The following LUZP2 variants were observed in gnomAD, a reference collection of about 807,000 sequenced individuals.
LUZP2 encodes the protein leucine zipper protein 2.
A neutral mutation model predicts 51.6 loss-of-function variants in LUZP2; 52 were observed. That is an observed-to-expected ratio of 1.01 (90% CI 0.81 to 1.27). The LOEUF (loss-of-function observed/expected upper bound fraction) is 1.27, where lower values mean the gene tolerates loss of function less well. LUZP2 is among the 50% of genes most tolerant of loss of function. The pLI, the probability that LUZP2 is intolerant of heterozygous loss-of-function variation, is 0.00. For missense variants in LUZP2, 436 were observed against 395.4 expected (o/e 1.10, Z -0.87); for synonymous variants, 154 against 137.3 (o/e 1.12, Z -0.85).
chr11:24,796,783 T>C (rs548989700), intron 5 of LUZP2, among the ~76,000 whole-genome samples: 1 of 152,264 alleles, frequency 6.6e-6, no homozygotes, highest in South Asian at 2.1e-4. Flanking sequence ...ACACAAGTTT[T>C]TTTTGGTTTT....
intron 5 of LUZP2, among the ~76,000 whole-genome samples, chr11:24,800,535 T>C (rs1348327595): frequency 7.3e-5 from 7 of 96,452 alleles, no homozygotes; most frequent in Admixed American, 5.8e-4. Flanking sequence ...GCCTATCATT[T>C]AACTCAAAAA....
intron 1 of LUZP2, among the ~76,000 whole-genome samples, chr11:24,722,424 C>T (rs767126690): frequency 1.3e-5 from 2 of 152,116 alleles, no homozygotes; most frequent in Non-Finnish European, 2.9e-5. Flanking sequence ...CATCAGATCT[C>T]ATGAGACTCA....
intron 4 of LUZP2, among the ~76,000 whole-genome samples, chr11:24,746,863 T>C (rs1479676138): frequency 7.9e-5 from 12 of 152,186 alleles, no homozygotes; most frequent in Non-Finnish European, 1.8e-4. Context: ...TTCCAGAGCA[T>C]TTGCATTTCT....
At chr11:24,787,858 G>C (rs1275301278) in intron 5 of LUZP2, among the ~76,000 whole-genome samples, 2 of 152,062 alleles carry the variant, frequency 1.3e-5, no homozygotes, top group Non-Finnish European at 2.9e-5. Context: ...TGAATTTCTG[G>C]GTTCAAGGAA....
chr11:24,957,287 T>C (rs188962322), intron 7 of LUZP2, among the ~76,000 whole-genome samples: 1 of 152,300 alleles, frequency 6.6e-6, no homozygotes, highest in East Asian at 1.9e-4. Flanking sequence ...CATGTTAGTA[T>C]TTATGAATGC....
intron 1 of LUZP2, among the ~76,000 whole-genome samples, chr11:24,520,906 G>A (rs933773165): frequency 5.3e-5 from 8 of 152,206 alleles, no homozygotes; most frequent in African/African-American, 1.9e-4. Flanking sequence ...TTGCAGACAA[G>A]TCAAGAGAGT....
chr11:24,646,449 T>C (rs1173033811), intron 1 of LUZP2: 2 of 219,754 alleles, frequency 9.1e-6, no homozygotes, highest in Non-Finnish European at 1.5e-5. Context: ...GTTTAGTTGC[T>C]TAGTGACACT....
At chr11:24,983,902 C>A (rs1856115290) in intron 9 of LUZP2, among the ~76,000 whole-genome samples, 2 of 150,860 alleles carry the variant, frequency 1.3e-5, no homozygotes. Flanking sequence ...TTAAGGACAA[C>A]TCATTTGAGC....
At chr11:24,802,552 A>C (rs1258617305) in intron 5 of LUZP2, among the ~76,000 whole-genome samples, 1 of 151,904 alleles carries the variant, frequency 6.6e-6, no homozygotes. Context: ...ATAAATATTA[A>C]ATATATTCAT....
chr11:24,888,938 C>T (rs1852759663), intron 5 of LUZP2, among the ~76,000 whole-genome samples: 2 of 152,130 alleles, frequency 1.3e-5, no homozygotes, highest in African/African-American at 4.8e-5. Context: ...TTGTAAGTTT[C>T]CTGAGGCCTC....
At chr11:25,045,824 A>T (rs140341809) in intron 9 of LUZP2, among the ~76,000 whole-genome samples, 11 of 152,246 alleles carry the variant, frequency 7.2e-5, no homozygotes, top group African/African-American at 2.6e-4. Flanking sequence ...TATTGACTTG[A>T]TTCCCTGTAT....
intron 5 of LUZP2, among the ~76,000 whole-genome samples, chr11:24,882,938 A>ACG (rs1852528515): frequency 1.4e-5 from 2 of 145,914 alleles, no homozygotes; most frequent in African/African-American, 5.5e-5. Context: ...GAAAGAAAGA[A>ACG]AGAGAAAGAA....
chr11:24,999,779 T>C (rs1856625510), intron 9 of LUZP2, among the ~76,000 whole-genome samples: 1 of 152,184 alleles, frequency 6.6e-6, no homozygotes, highest in Non-Finnish European at 1.5e-5. Flanking sequence ...GTGTCCGGAA[T>C]TGGTTCCTTC....
At chr11:24,772,289 A>AATAAATTATTCTACCT (rs1860450098) in intron 5 of LUZP2, among the ~76,000 whole-genome samples, 1 of 152,212 alleles carries the variant, frequency 6.6e-6, no homozygotes. Context: ...ATCTTTCTAA[A>AATAAATTATTCTACCT]ATAAATTATT....
At position 25,077,346 on chromosome 11, in the gene LUZP2, C is replaced by A. The variant is rs1483680047; in HGVS notation, c.876C>A (p.Ser292=). Residue 292 remains serine, a synonymous_variant, in exon 11 of 12, where the codon TCC becomes TCA. Coordinates refer to ENST00000336930, the MANE Select transcript of LUZP2 (RefSeq NM_001009909.4). ...TTTTGTAGGAGGGCAGACCGTGTTC[C>A]ATGAAGCACAAAGAAAGTCCCCCAA... ...CDSQDEGRPC[S]MKHKESPPSN... The A allele has an allele frequency of 6.2e-7, 1 of 1,612,548 alleles. No homozygotes were observed. Among genetic ancestry groups the A allele is most frequent in the African/African-American group, 1.3e-5 (1 of 74,946 alleles).
At chr11:25,030,189 T>C (rs949008163) in intron 9 of LUZP2, among the ~76,000 whole-genome samples, 1 of 152,196 alleles carries the variant, frequency 6.6e-6, no homozygotes, top group Non-Finnish European at 1.5e-5. Context: ...CTGAATTTTA[T>C]AGAATCAGTA....
chr11:24,568,355 G>GAAAAAAAAAAAAAAAAAA (rs35908367), intron 1 of LUZP2, among the ~76,000 whole-genome samples: 1 of 127,252 alleles, frequency 7.9e-6, no homozygotes, highest in Non-Finnish European at 1.6e-5. Context: ...ATCTGTCTCA[G>GAAAAAAAAAAAAAAAAAA]AAAAAAAAAA....
rs530434593 is a variant in LUZP2 at position 24,785,131 on chromosome 11, C to A, written c.396+21823C>A. Among the ~76,000 whole-genome samples, 4 of 152,044 alleles carry A rather than the reference C, an allele frequency of 2.6e-5. No homozygotes were observed. The East Asian group carries it at 5.8e-4, about 22-fold the overall frequency. The stretch of plus-strand genomic sequence containing the variant: ...TTGGAAGATATCTCTTCTATGATAC[C>A]TTTTCAGACCTCTCCTGCATAAACT... On this transcript the variant is annotated intron_variant, in intron 5 of 11. Coordinates refer to ENST00000336930, the MANE Select transcript of LUZP2 (RefSeq NM_001009909.4).
In LUZP2 at chr11:24,697,079, T is replaced by G. The variant is rs367624027; in HGVS notation, c.63-32090T>G. On this transcript the variant is annotated intron_variant, in intron 1 of 11. Transcript: ENST00000336930. ...CAAGGTCTAAATGATTAAGGTCTGT[T>G]AAGGTCAAGGAAAAGACTTTGGATT... is the stretch of plus-strand genomic sequence containing the variant. Among the ~76,000 whole-genome samples, 12 of 152,274 alleles carry G rather than the reference T, an allele frequency of 7.9e-5. No homozygotes were observed. The East Asian group carries it at 1.2e-3, about 15-fold the overall frequency.
Sources: gnomAD v4.1 joint callset for allele counts (sites outside exome capture counted in the v4.1 genomes callset) on GRCh38, gnomAD v4.1.1 for gene constraint, MANE v1.5 for transcripts, NCBI Gene and HGNC (gene_info 2026-07-23, HGNC 2026-07-21) for gene names.